NTSR1: variants seen among roughly 807,000 people sequenced by gnomAD.
The protein encoded by NTSR1 is neurotensin receptor 1.
In NTSR1, 29 loss-of-function variants were observed where a neutral mutation model predicts 31.2. The observed-to-expected ratio is 0.93, with a 90% CI of 0.69 to 1.27. NTSR1 has a LOEUF of 1.27. Among genes scored for constraint, NTSR1 ranks in the 50% most tolerant of loss-of-function variants. The pLI is 0.00. For missense variants in NTSR1, 697 were observed against 595.4 expected (o/e 1.17, Z -1.78); for synonymous variants, 282 against 269.9 (o/e 1.04, Z -0.44).
chr20:62,750,897 T>C (rs1201775365), intron 1 of NTSR1, among the ~76,000 whole-genome samples: 1 of 151,956 alleles, frequency 6.6e-6, no homozygotes, highest in Non-Finnish European at 1.5e-5. Context: ...ATTTTTGCGA[T>C]GGGCGTCTCA....
At chr20:62,718,329 G>A (rs559681070) in intron 1 of NTSR1, among the ~76,000 whole-genome samples, 2 of 152,244 alleles carry the variant, frequency 1.3e-5, no homozygotes, top group South Asian at 4.1e-4. Context: ...GAGTGACCAA[G>A]GAGTCCTAGG....
chr20:62,741,706 C>A lies in NTSR1; in HGVS notation c.715-12979C>A, dbSNP rs1002611494. ...GGAGCCATGGACAGAGGCTGTGGGGCAGGCTCAGTCCCTGAGAGGTCGCCA... is the reference window on the plus strand; with the variant it reads ...GGAGCCATGGACAGAGGCTGTGGGGAAGGCTCAGTCCCTGAGAGGTCGCCA... On this transcript the variant is annotated intron_variant, in intron 1 of 3. Coordinates refer to ENST00000370501, the MANE Select transcript of NTSR1 (RefSeq NM_002531.3). The surrounding 1 kb of genome is among the most constrained non-coding windows in gnomAD (Gnocchi z 4.3). Among the ~76,000 whole-genome samples, 1 of 149,732 alleles carries A rather than the reference C, an allele frequency of 6.7e-6. No individual in the cohort carries two copies. The highest frequency in any genetic ancestry group is 2.5e-5 in the African/African-American group (1 of 40,166).
At position 62,744,709 on chromosome 20, in the gene NTSR1, A is replaced by G. The variant is rs1361586369; in HGVS notation, c.715-9976A>G. Among the ~76,000 whole-genome samples, 2 of 152,138 alleles carry G rather than the reference A, an allele frequency of 1.3e-5. No individual in the cohort carries two copies. Among genetic ancestry groups the G allele is most frequent in the African/African-American group, 2.4e-5 (1 of 41,416 alleles). The stretch of plus-strand genomic sequence containing the variant: ...GCCACTGCACTCCAGCCTGGGCAAC[A>G]AGAGCAAAGCTCAGTCTCACAAAAA... On this transcript the variant is annotated intron_variant, in intron 1 of 3. Transcript: ENST00000370501. This position sits in a 1 kb window ranked among gnomAD's most constrained non-coding sequence, Gnocchi z 4.1.
rs966959798 is a variant in NTSR1 at position 62,741,865 on chromosome 20, G to A, written c.715-12820G>A. On this transcript the variant is annotated intron_variant, in intron 1 of 3. Transcript: ENST00000370501. The surrounding 1 kb of genome is among the most constrained non-coding windows in gnomAD (Gnocchi z 4.3). ...TCTGCTCATAGGATGGCCCCTGATG[G>A]AGGAAGTGGGAGCTCAGGCTGTGGG... Among the ~76,000 whole-genome samples, 1 of 149,428 alleles carries A rather than the reference G, an allele frequency of 6.7e-6. No individual in the cohort carries two copies. The highest frequency in any genetic ancestry group is 2.5e-5 in the African/African-American group (1 of 39,976).
intron 1 of NTSR1, among the ~76,000 whole-genome samples, chr20:62,752,743 A>G: frequency 6.6e-6 from 1 of 152,064 alleles, no homozygotes; most frequent in Non-Finnish European, 1.5e-5. Context: ...CTCACAGGGA[A>G]TGGGTTTATC....
intron 1 of NTSR1, among the ~76,000 whole-genome samples, chr20:62,731,059 CGTTTTTGTTTTGTTTT>C (rs1988994012): frequency 6.6e-6 from 1 of 151,904 alleles, no homozygotes; most frequent in African/African-American, 2.4e-5. Context: ...ATTTTTAGAG[CGTTTTTGTTTTGTTTT>C]GTTTTTGTTT....
rs746002141 is a variant in NTSR1 at position 62,760,077 on chromosome 20, G to T, written c.1067G>T (p.Ser356Ile). 2 of 1,613,966 alleles carry T rather than the reference G, an allele frequency of 1.2e-6. No individual in the cohort carries two copies. The highest frequency in any genetic ancestry group is 1.6e-4 in the Middle Eastern group (1 of 6,084). Residue 356 changes from serine (S) to isoleucine (I), a missense_variant, in exon 4 of 4, where the codon AGC becomes ATC. Ser to Ile is a moderately radical substitution (Grantham distance 142). Transcript: ENST00000370501. ...YMVTNALFYV[S>I]STINPILYNL... ...GTGACCAACGCACTCTTCTACGTCA[G>T]CTCCACCATCAACCCCATCCTGTAC... is the stretch of plus-strand genomic sequence containing the variant.
In NTSR1 at chr20:62,715,135, A is replaced by G. The variant is rs1342579454; in HGVS notation, c.714+5214A>G. 6.6e-6 allele frequency among the ~76,000 whole-genome samples: 1 copy of G among 152,202 alleles called. No homozygotes were observed. The highest frequency in any genetic ancestry group is 1.5e-5 in the Non-Finnish European group (1 of 68,036). ...AAAAATTTAGTAATTAAAAGTTTTC[A>G]AAAGGTTAAGGTGCTATATGTTGGA... On this transcript the variant is annotated intron_variant, in intron 1 of 3. Coordinates refer to ENST00000370501, the MANE Select transcript of NTSR1 (RefSeq NM_002531.3). This position sits in a 1 kb window ranked among gnomAD's most constrained non-coding sequence, Gnocchi z 4.7.
chr20:62,759,490 C>G (rs1989571828), intron 3 of NTSR1, among the ~76,000 whole-genome samples: 1 of 152,214 alleles, frequency 6.6e-6, no homozygotes, highest in Non-Finnish European at 1.5e-5. Context: ...GAAGCCCAGG[C>G]TGGGTGGGAC....
chr20:62,721,015 A>G (rs921336591), intron 1 of NTSR1, among the ~76,000 whole-genome samples: 1 of 152,142 alleles, frequency 6.6e-6, no homozygotes, highest in Non-Finnish European at 1.5e-5. Flanking sequence ...TTAAATTCCT[A>G]ATTTTGTGAA....
Position 62,760,625 on chromosome 20 carries a change from G to T in NTSR1, c.*358G>T, listed in dbSNP as rs746192. 0.71 allele frequency: 138,042 copies of T among 193,772 alleles called. 56,119 individuals are homozygous for T. Among genetic ancestry groups the T allele is most frequent in the East Asian group, 0.9 (7,196 of 8,040 alleles). The allele number at this position is 193,772 out of a possible 1,614,324, so 12.0% of individuals were successfully genotyped here. ...GATGGTTCCAGAGAAGGAAATGAAA[G>T]GTGCTGGGTGGGGCCGGGCCTCCGG... is the stretch of plus-strand genomic sequence containing the variant. On this transcript the variant is annotated 3_prime_UTR_variant, in exon 4 of 4. Transcript: ENST00000370501.
chr20:62,755,885 C>T lies in NTSR1; in HGVS notation c.916+999C>T, dbSNP rs186050063. Among the ~76,000 whole-genome samples, 50 of 125,966 alleles carry T rather than the reference C, an allele frequency of 4.0e-4. No individual in the cohort carries two copies. In the East Asian group the frequency reaches 0.01, roughly 26 times the overall value. The allele number at this position is 125,966 out of a possible 152,430, so 82.6% of individuals were successfully genotyped here. On this transcript the variant is annotated intron_variant, in intron 2 of 3. Transcript: ENST00000370501. Reference sequence around the variant, plus strand: ...CCCTCCACCCATCATCCCTCCCTCCCTCCATCCCTCATTCCATCCATCCAT... The same window carrying T: ...CCCTCCACCCATCATCCCTCCCTCCTTCCATCCCTCATTCCATCCATCCAT...
chr20:62,742,973 G>C lies in NTSR1; in HGVS notation c.715-11712G>C, dbSNP rs570893249. Among the ~76,000 whole-genome samples, 1 of 149,726 alleles carries C rather than the reference G, an allele frequency of 6.7e-6. No individual in the cohort carries two copies. Among genetic ancestry groups the C allele is most frequent in the Non-Finnish European group, 1.5e-5 (1 of 68,006 alleles). On this transcript the variant is annotated intron_variant, in intron 1 of 3. Coordinates refer to ENST00000370501, the MANE Select transcript of NTSR1 (RefSeq NM_002531.3). The surrounding 1 kb of genome is among the most constrained non-coding windows in gnomAD (Gnocchi z 7.1). ...CACAGGCAAGTGGAACGTTCTCTGA[G>C]TTTAGCTTTGTTTGTGTAGGTAGTT...
Position 62,744,048 on chromosome 20 carries a change from G to A in NTSR1, c.715-10637G>A, listed in dbSNP as rs576037882. Among the ~76,000 whole-genome samples the A allele has an allele frequency of 5.3e-5, 8 of 152,196 alleles. No homozygotes were observed. In the East Asian group the frequency reaches 5.8e-4, roughly 11 times the overall value. On this transcript the variant is annotated intron_variant, in intron 1 of 3. Transcript: ENST00000370501. This position sits in a 1 kb window ranked among gnomAD's most constrained non-coding sequence, Gnocchi z 4.1. ...TTATCTAACCTTTCACTCCACCTCC[G>A]TCCTCCCCATCAAAATTACACATGC...
In NTSR1 at chr20:62,709,216, C is replaced by T; in HGVS notation, c.9C>T (p.Leu3=). Reference sequence around the variant, plus strand: ...GGACTCCAGCGCCCACCATGCGCCTCAACAGCTCCGCGCCGGGAACCCCGG... The same window carrying T: ...GGACTCCAGCGCCCACCATGCGCCTTAACAGCTCCGCGCCGGGAACCCCGG... MR[L]NSSAPGTPGT... Residue 3 remains leucine (L), a synonymous_variant, in exon 1 of 4, where the codon CTC becomes CTT. Transcript: ENST00000370501. 1.4e-6 allele frequency: 2 copies of T among 1,470,358 alleles called. No homozygotes were observed. The highest frequency in any genetic ancestry group is 1.8e-6 in the Non-Finnish European group (2 of 1,118,900). The allele number at this position is 1,470,358 out of a possible 1,614,324, so 91.1% of individuals were successfully genotyped here.
chr20:62,760,172 C>T lies in NTSR1; in HGVS notation c.1162C>T (p.Arg388Cys), dbSNP rs73918681. Reference sequence around the variant, plus strand: ...GGCCTGCCTCTGCCCGGTGTGGCGGCGCAGGAGGAAGAGGCCAGCCTTCTC... The same window carrying T: ...GGCCTGCCTCTGCCCGGTGTGGCGGTGCAGGAGGAAGAGGCCAGCCTTCTC... ...TLACLCPVWR[R>C]RRKRPAFSRK... Residue 388 changes from arginine to cysteine, a missense_variant, in exon 4 of 4, where the codon CGC becomes TGC. Transcript: ENST00000370501. 1.2e-3 allele frequency: 1,952 copies of T among 1,614,078 alleles called. 16 individuals carry two copies. The African/African-American group carries it at 0.023, about 19-fold the overall frequency.
Position 62,760,115 on chromosome 20 carries a change from G to A in NTSR1, c.1105G>A (p.Ala369Thr). The change falls in exon 4 of 4, where the codon GCC becomes ACC. Residue 369 changes from alanine to threonine, a missense_variant. Transcript: ENST00000370501. ...CCCCATCCTGTACAACCTCGTCTCT[G>A]CCAACTTCCGCCACATCTTCCTGGC... The part of the protein sequence containing the change: ...INPILYNLVS[A>T]NFRHIFLATL... The A allele has an allele frequency of 6.2e-7, 1 of 1,614,164 alleles. No homozygotes were observed. The highest frequency in any genetic ancestry group is 1.6e-4 in the Middle Eastern group (1 of 6,062).
rs374496333 is a variant in NTSR1, at chr20:62,758,357, G to C, written c.1007+1G>C. The C allele has an allele frequency of 3.1e-6, 5 of 1,613,060 alleles. No homozygotes were observed. Among genetic ancestry groups the C allele is most frequent in the Non-Finnish European group, 4.2e-6 (5 of 1,179,492 alleles). On this transcript the variant is annotated splice_donor_variant, in intron 3 of 3. Coordinates refer to ENST00000370501, the MANE Select transcript of NTSR1 (RefSeq NM_002531.3). LOFTEE classifies it high-confidence loss of function. This position sits in a 1 kb window ranked among gnomAD's most constrained non-coding sequence, Gnocchi z 4.5. Reference sequence around the variant, plus strand: ...ACATCTCGGATGAGCAGTGGACTCCGTGAGTACCGGGAACCAGGAAGTTGG... The same window carrying C: ...ACATCTCGGATGAGCAGTGGACTCCCTGAGTACCGGGAACCAGGAAGTTGG...
At position 62,741,066 on chromosome 20, in the gene NTSR1, C is replaced by A. The variant is rs1288755190; in HGVS notation, c.715-13619C>A. 1.3e-5 allele frequency among the ~76,000 whole-genome samples: 2 copies of A among 152,218 alleles called. No individual in the cohort carries two copies. The highest frequency in any genetic ancestry group is 4.8e-5 in the African/African-American group (2 of 41,458). On this transcript the variant is annotated intron_variant, in intron 1 of 3. Transcript: ENST00000370501. This position sits in a 1 kb window ranked among gnomAD's most constrained non-coding sequence, Gnocchi z 4.3. ...CGGGGCTGAGGGCCAGGGGCCTCCCCTCCTCCTGTCCTGGAGGGCACCTGC... is the reference window on the plus strand; with the variant it reads ...CGGGGCTGAGGGCCAGGGGCCTCCCATCCTCCTGTCCTGGAGGGCACCTGC...
Sources: gnomAD v4.1 joint callset for allele counts (sites outside exome capture counted in the v4.1 genomes callset) on GRCh38, gnomAD v4.1.1 for gene constraint, Gnocchi (gnomAD v3.1) non-coding constraint, MANE v1.5 for transcripts, NCBI Gene and HGNC (gene_info 2026-07-23, HGNC 2026-07-21) for gene names.